The following CELA2B variants were observed in gnomAD, a reference collection of about 807,000 sequenced individuals.
CELA2B encodes chymotrypsin like elastase 2B, also known as chymotrypsin-like elastase family member 2B.
Under a neutral mutation model 36.5 loss-of-function variants are expected in CELA2B, and 27 were observed. The observed-to-expected ratio is 0.74, with a 90% confidence interval of 0.55 to 1.02. CELA2B has a LOEUF of 1.02. CELA2B is among the 50% of genes least tolerant of loss of function. The pLI is 0.00. For synonymous variants in CELA2B, 143 were observed against 148.5 expected (o/e 0.96, Z 0.27); for missense variants, 340 against 347.8 (o/e 0.98, Z 0.18).
chr1:15,488,202 C>T (rs1049344114), intron 7 of CELA2B, among the ~76,000 whole-genome samples: 7 of 152,038 alleles, frequency 4.6e-5, no homozygotes, highest in Admixed American at 1.3e-4. Context: ...GCCTGGGCAA[C>T]ATAGCGAGAC....
chr1:15,476,439 C>A lies in CELA2B; in HGVS notation c.41-18C>A, dbSNP rs990536910. ...GGGTCGCTGCTTCCTGGACTCAAGA[C>A]CCTTTCTCTTTTCACAGCCCTCAGT... is the stretch of plus-strand genomic sequence containing the variant. On this transcript the variant is annotated intron_variant, in intron 1 of 7. Transcript: ENST00000375910. The A allele has an allele frequency of 3.1e-6, 5 of 1,612,676 alleles. No individual in the cohort carries two copies. Among genetic ancestry groups the A allele is most frequent in the Non-Finnish European group, 4.2e-6 (5 of 1,178,716 alleles).
At chr1:15,486,276 T>A (rs1708803777) in intron 6 of CELA2B, among the ~76,000 whole-genome samples, 1 of 152,114 alleles carries the variant, frequency 6.6e-6, no homozygotes, top group African/African-American at 2.4e-5. Flanking sequence ...AGGTCAGCAG[T>A]TCGAGACCAG....
Position 15,481,109 on chromosome 1 carries a change from G to T in CELA2B, c.141G>T (p.Gln47His). ...PNSWPWQVSLQYSSNGQWYHT... is the reference protein window; with the variant it reads ...PNSWPWQVSLHYSSNGQWYHT... The stretch of plus-strand genomic sequence containing the variant: ...GTGTTTCTCCCCAGGTCTCCCTGCA[G>T]TACAGCTCCAATGGCCAGTGGTACC... The change falls in exon 3 of 8, where the codon CAG (glutamine) becomes CAT (histidine). Residue 47 changes from glutamine to histidine, a missense_variant. Gln to His is a conservative substitution (Grantham distance 24). Transcript: ENST00000375910. 6.2e-7 allele frequency: 1 copy of T among 1,612,574 alleles called. No individual in the cohort carries two copies. The highest frequency in any genetic ancestry group is 8.5e-7 in the Non-Finnish European group (1 of 1,180,008).
intron 6 of CELA2B, among the ~76,000 whole-genome samples, chr1:15,486,866 A>C (rs1242487371): frequency 6.6e-6 from 1 of 151,944 alleles, no homozygotes; most frequent in African/African-American, 2.4e-5. Context: ...TGCCCTACAC[A>C]CTCTGCCCAC....
At chr1:15,487,859 C>A (rs1454990634) in intron 7 of CELA2B, among the ~76,000 whole-genome samples, 1 of 152,210 alleles carries the variant, frequency 6.6e-6, no homozygotes, top group Non-Finnish European at 1.5e-5. Context: ...CAAGGGTCCT[C>A]CAGCTATTCT....
chr1:15,490,430 A>C (rs1405115381), intron 7 of CELA2B, among the ~76,000 whole-genome samples: 3 of 152,222 alleles, frequency 2.0e-5, no homozygotes, highest in African/African-American at 7.2e-5. Context: ...AGTGTAATGA[A>C]TGCAGCTTTC....
chr1:15,483,113 C>G, intron 4 of CELA2B, 151 bp from the exon 5 acceptor site: 1 of 1,260,154 alleles, frequency 7.9e-7, no homozygotes, highest in Non-Finnish European at 1.1e-6. Flanking sequence ...GGCCGACCCT[C>G]TACATTTTCA....
chr1:15,482,194 G>C, intron 3 of CELA2B, 71 bp from the exon 4 acceptor site: 1 of 1,575,014 alleles, frequency 6.3e-7, no homozygotes, highest in South Asian at 1.2e-5. Context: ...CAGTTACTTG[G>C]GTCTATCCCT....
intron 7 of CELA2B, among the ~76,000 whole-genome samples, chr1:15,490,614 T>C (rs1708871423): frequency 6.6e-6 from 1 of 152,160 alleles, no homozygotes; most frequent in African/African-American, 2.4e-5. Context: ...ACGCCTGTAA[T>C]CCGAGCACTT....
intron 1 of CELA2B, 111 bp from the exon 2 acceptor site, chr1:15,476,346 G>C: frequency 8.6e-6 from 12 of 1,397,446 alleles, no homozygotes; most frequent in Non-Finnish European, 1.0e-5. Flanking sequence ...TGACCTCTTG[G>C]GATCCTTCTA....
chr1:15,484,325 C>T (rs1289784393), intron 5 of CELA2B, among the ~76,000 whole-genome samples: 9 of 152,094 alleles, frequency 5.9e-5, no homozygotes, highest in Admixed American at 5.2e-4. Context: ...ACAGAGTTCC[C>T]GCCCTTCCCT....
chr1:15,479,079 C>T (rs1327414175), intron 2 of CELA2B, among the ~76,000 whole-genome samples: 7 of 152,094 alleles, frequency 4.6e-5, no homozygotes, highest in African/African-American at 7.2e-5. Context: ...ATTACGTGGA[C>T]GAAATTTCCC....
In CELA2B at chr1:15,476,150, A is replaced by G. The variant is rs927649277; in HGVS notation, c.25A>G (p.Thr9Ala). 2 of 1,614,010 alleles carry G rather than the reference A, an allele frequency of 1.2e-6. No individual in the cohort carries two copies. The highest frequency in any genetic ancestry group is 1.7e-6 in the Non-Finnish European group (2 of 1,180,020). Residue 9 changes from threonine to alanine, a missense_variant, in exon 1 of 8, where the codon ACT becomes GCT. Coordinates refer to ENST00000375910, the MANE Select transcript of CELA2B (RefSeq NM_015849.3). MIRTLLLS[T>A]LVAGALSCGV... is the part of the protein sequence containing the mutation. ...CATGATTAGGACCCTGCTGCTGTCC[A>G]CTTTGGTGGCTGGAGGTAAGTCCTG...
chr1:15,480,569 T>G (rs1214387050), intron 2 of CELA2B, among the ~76,000 whole-genome samples: 3 of 152,064 alleles, frequency 2.0e-5, no homozygotes, highest in East Asian at 3.9e-4. Context: ...CTTCACACGG[T>G]GGCAGCAGGG....
intron 7 of CELA2B, among the ~76,000 whole-genome samples, chr1:15,489,187 A>C (rs1431935446): frequency 6.6e-6 from 1 of 152,162 alleles, no homozygotes; most frequent in Non-Finnish European, 1.5e-5. Flanking sequence ...CATCCTGGGG[A>C]CCTGAAGCAG....
intron 7 of CELA2B, 38 bp downstream of exon 7, chr1:15,487,475 C>T (rs768536444): frequency 6.2e-7 from 1 of 1,609,640 alleles, no homozygotes; most frequent in Non-Finnish European, 8.5e-7. Context: ...AAGGCACTGA[C>T]CTGCTCACCT....
rs145162477 is a variant in CELA2B, at chr1:15,488,748, GAC to G, written c.792+1314_792+1315del. ...GAGAAGTGTTAAATTGAATTAAACT[GAC>G]ACTTATAAAACCAAATATGAAACTG... On this transcript the variant is annotated intron_variant, in intron 7 of 7. Transcript: ENST00000375910. Among the ~76,000 whole-genome samples, 10 of 152,308 alleles carry G rather than the reference GAC, an allele frequency of 6.6e-5. No homozygotes were observed. The East Asian group carries it at 1.9e-3, about 29-fold the overall frequency.
intron 5 of CELA2B, among the ~76,000 whole-genome samples, 200 bp downstream of exon 5, chr1:15,483,600 G>C (rs1188051373): frequency 6.6e-6 from 1 of 152,186 alleles, no homozygotes; most frequent in Admixed American, 6.5e-5. Context: ...CACATTACTA[G>C]GTCTCTCCAA....
At chr1:15,478,217 T>TATATA (rs1491212485) in intron 2 of CELA2B, among the ~76,000 whole-genome samples, 16 of 48,518 alleles carry the variant, frequency 3.3e-4, no homozygotes, top group African/African-American at 1.1e-3. Context: ...TATATATATA[T>TATATA]TGGGATATAT....
Sources: allele counts gnomAD v4.1 joint callset (sites outside exome capture counted in the v4.1 genomes callset), GRCh38; gene constraint gnomAD v4.1.1; transcripts MANE v1.5; gene names NCBI Gene and HGNC (gene_info 2026-07-23, HGNC 2026-07-21).